Variants in KDM2A observed in about 807,000 individuals in gnomAD.
KDM2A encodes lysine demethylase 2A.
A neutral mutation model predicts 137.3 loss-of-function variants in KDM2A; 3 were observed. The ratio of observed to expected loss-of-function variants is 0.02; its 90% confidence interval spans 0.01 to 0.06. KDM2A has a LOEUF of 0.06. Ranked by LOEUF, KDM2A falls within the 10% of genes least tolerant of loss-of-function variation. The pLI is 1.00. For missense variants in KDM2A, 738 were observed against 1,510.6 expected (o/e 0.49, Z 8.48); for synonymous variants, 512 against 541.5 (o/e 0.95, Z 0.76).
At chr11:67,227,875 T>C (rs1018345340) in intron 10 of KDM2A, among the ~76,000 whole-genome samples, 162 bp from the exon 11 acceptor site, 4 of 152,212 alleles carry the variant, frequency 2.6e-5, no homozygotes, top group Non-Finnish European at 4.4e-5. Context: ...ACCAACGTTT[T>C]CTAAGTTGAT....
At chr11:67,218,420 A>G (rs1269149602) in intron 9 of KDM2A, among the ~76,000 whole-genome samples, 5 of 152,222 alleles carry the variant, frequency 3.3e-5, no homozygotes, top group African/African-American at 1.2e-4. Flanking sequence ...TAAGGAATAT[A>G]AATGAGAACA....
chr11:67,140,211 C>T (rs1186653164), intron 2 of KDM2A, among the ~76,000 whole-genome samples: 1 of 151,846 alleles, frequency 6.6e-6, no homozygotes, highest in Admixed American at 6.6e-5. Flanking sequence ...CCAAAAAATA[C>T]AAAAATTAGC....
chr11:67,128,444 T>C (rs1051224963), intron 2 of KDM2A, among the ~76,000 whole-genome samples: 25 of 152,200 alleles, frequency 1.6e-4, no homozygotes, highest in African/African-American at 6.0e-4. Context: ...GTGGTCTACA[T>C]TGTTGAATTA....
intron 2 of KDM2A, among the ~76,000 whole-genome samples, chr11:67,128,009 C>CTTTT (rs56704753): frequency 8.3e-5 from 9 of 107,870 alleles, no homozygotes; most frequent in African/African-American, 1.1e-4. Flanking sequence ...CACACCCGGC[C>CTTTT]TTTTTTTTTT....
intron 2 of KDM2A, among the ~76,000 whole-genome samples, chr11:67,154,613 T>C (rs1002719904): frequency 1.3e-5 from 2 of 152,168 alleles, no homozygotes; most frequent in East Asian, 3.9e-4. Context: ...TTCTTTTTTT[T>C]TTTTAGGTAG....
chr11:67,150,639 G>T (rs532878754), intron 2 of KDM2A, among the ~76,000 whole-genome samples: 1 of 152,220 alleles, frequency 6.6e-6, no homozygotes, highest in East Asian at 1.9e-4. Flanking sequence ...TGAGAGGAGG[G>T]ATCTAAGAGT....
chr11:67,120,891 C>G (rs1313499441), intron 1 of KDM2A, among the ~76,000 whole-genome samples: 2 of 151,524 alleles, frequency 1.3e-5, no homozygotes, highest in East Asian at 3.9e-4. Context: ...CTGGTCAGCT[C>G]TCTGGAGATA....
chr11:67,225,818 A>T (rs1192891649), intron 10 of KDM2A, among the ~76,000 whole-genome samples: 3 of 152,036 alleles, frequency 2.0e-5, no homozygotes, highest in Middle Eastern at 3.5e-3. Flanking sequence ...TAATCCCAGC[A>T]CTTTGGGAGG....
At chr11:67,177,971 A>G (rs1857006724) in intron 2 of KDM2A, among the ~76,000 whole-genome samples, 2 of 152,180 alleles carry the variant, frequency 1.3e-5, no homozygotes, top group Admixed American at 1.3e-4. Context: ...ACTGTCATAT[A>G]TGTGCAGTTC....
chr11:67,197,031 T>A (rs955186447), intron 5 of KDM2A: 1 of 152,988 alleles, frequency 6.5e-6, no homozygotes, highest in African/African-American at 2.4e-5. Context: ...CTCGGTAATC[T>A]TCTTACTGCT....
intron 8 of KDM2A, 169 bp from the exon 9 acceptor site, chr11:67,217,562 A>G (rs1286514975): frequency 1.6e-6 from 1 of 625,370 alleles, no homozygotes; most frequent in South Asian, 2.0e-5. Context: ...AGAAAGATCT[A>G]CTGCCTTGGA....
intron 2 of KDM2A, among the ~76,000 whole-genome samples, chr11:67,129,870 C>T (rs866464553): frequency 1.3e-5 from 2 of 151,318 alleles, no homozygotes; most frequent in Non-Finnish European, 2.9e-5. Flanking sequence ...GAGATCGTGC[C>T]ACTGCACTCC....
rs181636279 is a variant in KDM2A, at chr11:67,193,686, C to T, written c.307+11794C>T. On this transcript the variant is annotated intron_variant, in intron 5 of 20. Coordinates refer to ENST00000529006, the MANE Select transcript of KDM2A (RefSeq NM_012308.3). ...GACCAGCCTGACCAACATGGCAAAA[C>T]GCCGTATCTACTAAAAATACAAAAA... Among the ~76,000 whole-genome samples, 295 of 152,028 alleles carry T rather than the reference C, an allele frequency of 1.9e-3. 1 individual carries two copies. Among genetic ancestry groups the T allele is most frequent in the Admixed American group, 3.3e-3 (50 of 15,278 alleles).
At chr11:67,238,545 A>G (rs1368413325) in intron 12 of KDM2A, among the ~76,000 whole-genome samples, 1 of 152,144 alleles carries the variant, frequency 6.6e-6, no homozygotes, top group Non-Finnish European at 1.5e-5. Flanking sequence ...CCATATAAGC[A>G]TTTCCAGGAG....
intron 2 of KDM2A, among the ~76,000 whole-genome samples, chr11:67,127,893 A>T (rs1377778292): frequency 6.6e-6 from 1 of 151,276 alleles, no homozygotes; most frequent in African/African-American, 2.4e-5. Flanking sequence ...TTTGGTAGAG[A>T]CGGGGTTTCA....
At chr11:67,150,927 A>T (rs1441707767) in intron 2 of KDM2A, among the ~76,000 whole-genome samples, 1 of 152,124 alleles carries the variant, frequency 6.6e-6, no homozygotes, top group East Asian at 1.9e-4. Flanking sequence ...GTCTAAACCT[A>T]GTGTTGAAGG....
At chr11:67,211,452 A>G (rs2136388002) in intron 6 of KDM2A, among the ~76,000 whole-genome samples, 1 of 151,942 alleles carries the variant, frequency 6.6e-6, no homozygotes, top group East Asian at 1.9e-4. Flanking sequence ...CGCCTCTACT[A>G]AAAATACAAA....
intron 5 of KDM2A, among the ~76,000 whole-genome samples, chr11:67,192,866 T>C (rs2136353289): frequency 6.6e-6 from 1 of 152,320 alleles, no homozygotes; most frequent in South Asian, 2.1e-4. Context: ...ATTTTCACCT[T>C]GTCAAATTCC....
intron 2 of KDM2A, among the ~76,000 whole-genome samples, chr11:67,140,377 A>G (rs965396179): frequency 6.6e-6 from 1 of 151,524 alleles, no homozygotes; most frequent in Non-Finnish European, 1.5e-5. Flanking sequence ...AAAAAAAAAT[A>G]TCATGGTTTT....
Sources: gnomAD v4.1 joint callset for allele counts (sites outside exome capture counted in the v4.1 genomes callset) on GRCh38, gnomAD v4.1.1 for gene constraint, MANE v1.5 for transcripts, NCBI Gene and HGNC (gene_info 2026-07-23, HGNC 2026-07-21) for gene names.